The following DPYD variants were observed in gnomAD, a reference collection of about 807,000 sequenced individuals.
DPYD encodes the protein dihydropyrimidine dehydrogenase [NADP(+)].
A neutral mutation model predicts 116.2 loss-of-function variants in DPYD; 109 were observed. The observed-to-expected ratio is 0.94, with a 90% CI of 0.80 to 1.10. The LOEUF is 1.10. DPYD is among the 50% of genes least tolerant of loss of function. DPYD has a pLI of 0.00. For synonymous variants in DPYD, 440 were observed against 432.0 expected (o/e 1.02, Z -0.23); for missense variants, 1,302 against 1,254.5 (o/e 1.04, Z -0.57).
chr1:97,508,441 A>T (rs1647523295), intron 13 of DPYD, among the ~76,000 whole-genome samples: 1 of 152,038 alleles, frequency 6.6e-6, no homozygotes, highest in African/African-American at 2.4e-5. Flanking sequence ...TGATGACAGC[A>T]GATTCACAGA....
intron 2 of DPYD, among the ~76,000 whole-genome samples, chr1:97,848,519 T>C (rs1670417859): frequency 6.6e-6 from 1 of 152,228 alleles, no homozygotes; most frequent in Non-Finnish European, 1.5e-5. Context: ...ATTCAGGAAG[T>C]TGGACTGTGA....
At chr1:97,298,422 T>C (rs1037624501) in intron 18 of DPYD, among the ~76,000 whole-genome samples, 2 of 152,170 alleles carry the variant, frequency 1.3e-5, no homozygotes, top group Admixed American at 6.5e-5. Context: ...CAAGAGGATG[T>C]TGATATGCAA....
chr1:97,611,302 C>T (rs1028253409), intron 8 of DPYD, among the ~76,000 whole-genome samples: 1 of 150,566 alleles, frequency 6.6e-6, no homozygotes, highest in Non-Finnish European at 1.5e-5. Context: ...AAAGACCTGC[C>T]CCCATGATTC....
chr1:97,204,362 T>C (rs1255446948), intron 19 of DPYD, among the ~76,000 whole-genome samples: 2 of 152,188 alleles, frequency 1.3e-5, no homozygotes, highest in Non-Finnish European at 2.9e-5. Flanking sequence ...GTAAAATGCC[T>C]GGTCTTCAGC....
rs535159602 is a variant in DPYD, at chr1:97,202,537, C to G, written c.2443-9289G>C. 6.6e-5 allele frequency among the ~76,000 whole-genome samples: 10 copies of G among 152,250 alleles called. No homozygotes were observed. In the East Asian group the frequency reaches 1.9e-3, roughly 29 times the overall value. On this transcript the variant is annotated intron_variant, in intron 19 of 22. Coordinates refer to ENST00000370192, the MANE Select transcript of DPYD (RefSeq NM_000110.4). Reference sequence around the variant, plus strand: ...GAGATCCAAACCACATTTTGCCAGCCAGAATATAATCATCAATTCTCCAAG... The same window carrying G: ...GAGATCCAAACCACATTTTGCCAGCGAGAATATAATCATCAATTCTCCAAG...
chr1:97,461,745 G>T (rs1677045618), intron 13 of DPYD, among the ~76,000 whole-genome samples: 1 of 152,170 alleles, frequency 6.6e-6, no homozygotes, highest in Admixed American at 6.5e-5. Context: ...AAAGATGCTT[G>T]TATTATAATT....
chr1:97,818,760 C>A (rs1244515621), intron 3 of DPYD, among the ~76,000 whole-genome samples: 1 of 151,812 alleles, frequency 6.6e-6, no homozygotes, highest in African/African-American at 2.4e-5. Context: ...ATGTGTGTAT[C>A]CGTGTGTGTG....
intron 12 of DPYD, chr1:97,546,091 T>A: frequency 7.1e-7 from 1 of 1,416,340 alleles, no homozygotes; most frequent in Non-Finnish European, 1.0e-6. Flanking sequence ...GTTACAGTGC[T>A]GGTTAAGTTG....
chr1:97,098,598 C>A lies in DPYD; in HGVS notation c.2657G>T (p.Arg886Leu). The change falls in exon 21 of 23, where the codon CGC becomes CTC. Residue 886 changes from arginine to leucine, a missense_variant. Arg to Leu is a moderately radical substitution (Grantham distance 102, BLOSUM62 -2). Transcript: ENST00000370192. ...LPSFGPYLEQ[R>L]KKIIAENKIR... ...CTTGTTTTCTGCTATGATTTTCTTG[C>A]GCTGTTCCAGATAAGGTCCAAAACT... 6.2e-7 allele frequency: 1 copy of A among 1,612,928 alleles called. No individual in the cohort carries two copies. Among genetic ancestry groups the A allele is most frequent in the Non-Finnish European group, 8.5e-7 (1 of 1,179,422 alleles).
chr1:97,326,190 T>C (rs1360043857), intron 16 of DPYD, among the ~76,000 whole-genome samples: 1 of 151,936 alleles, frequency 6.6e-6, no homozygotes, highest in Non-Finnish European at 1.5e-5. Context: ...AATGAAAATT[T>C]AAAATTTTGC....
chr1:97,646,591 T>C (rs1050707757), intron 8 of DPYD, among the ~76,000 whole-genome samples: 7 of 152,182 alleles, frequency 4.6e-5, no homozygotes, highest in Admixed American at 3.3e-4. Context: ...TTTTGTTATT[T>C]TCTTTATGTT....
intron 20 of DPYD, among the ~76,000 whole-genome samples, chr1:97,157,332 C>A (rs532813139): frequency 6.6e-6 from 1 of 152,244 alleles, no homozygotes; most frequent in East Asian, 1.9e-4. Flanking sequence ...TGTTTGCACA[C>A]ACTCATACAC....
intron 12 of DPYD, among the ~76,000 whole-genome samples, chr1:97,517,898 G>A (rs536832051): frequency 3.3e-4 from 50 of 152,168 alleles, no homozygotes; most frequent in African/African-American, 1.1e-3. Flanking sequence ...TTATGGCTGT[G>A]TGTTGAAATA....
chr1:97,338,841 G>A (rs1186252650), intron 16 of DPYD, among the ~76,000 whole-genome samples: 2 of 151,986 alleles, frequency 1.3e-5, no homozygotes, highest in East Asian at 1.9e-4. Context: ...ACATTACAAG[G>A]AAGTCAAAGA....
intron 20 of DPYD, among the ~76,000 whole-genome samples, chr1:97,127,678 A>G (rs188613701): frequency 3.0e-4 from 45 of 152,244 alleles, no homozygotes; most frequent in African/African-American, 1.1e-3. Context: ...GTAGTCCCCT[A>G]CTGGCATCTT....
chr1:97,489,986 C>T (rs1188370550), intron 13 of DPYD, among the ~76,000 whole-genome samples: 1 of 152,074 alleles, frequency 6.6e-6, no homozygotes, highest in Non-Finnish European at 1.5e-5. Context: ...CATCATTACA[C>T]CAAATAAACA....
At chr1:97,169,120 T>C (rs1656535532) in intron 20 of DPYD, among the ~76,000 whole-genome samples, 1 of 152,158 alleles carries the variant, frequency 6.6e-6, no homozygotes, top group Non-Finnish European at 1.5e-5. Context: ...AGTGTTGGGA[T>C]TACAGGCATG....
intron 12 of DPYD, among the ~76,000 whole-genome samples, chr1:97,540,137 G>A (rs1318545619): frequency 6.6e-6 from 1 of 150,396 alleles, no homozygotes; most frequent in African/African-American, 2.5e-5. Context: ...CTATCTACCT[G>A]ATGATAGCAC....
intron 12 of DPYD, among the ~76,000 whole-genome samples, chr1:97,529,120 T>C (rs1255323759): frequency 6.6e-6 from 1 of 152,194 alleles, no homozygotes; most frequent in East Asian, 1.9e-4. Context: ...TCTTTTTCCA[T>C]ACTTCTATTT....
Sources: gnomAD v4.1 joint callset for allele counts (sites outside exome capture counted in the v4.1 genomes callset) on GRCh38, gnomAD v4.1.1 for gene constraint, MANE v1.5 for transcripts, NCBI Gene and HGNC (gene_info 2026-07-23, HGNC 2026-07-21) for gene names.